The following ABCA12 variants were observed in gnomAD, a reference collection of about 807,000 sequenced individuals.
ABCA12 encodes the protein ATP binding cassette subfamily A member 12.
Under a neutral mutation model 293.5 loss-of-function variants are expected in ABCA12, and 156 were observed. That is an observed-to-expected ratio of 0.53 (90% CI 0.47 to 0.61). The LOEUF is 0.61. ABCA12 is among the 20% of genes least tolerant of loss of function. ABCA12 has a pLI of 0.00. For missense variants in ABCA12, 2,797 were observed against 3,090.2 expected (o/e 0.91, Z 2.25); for synonymous variants, 1,063 against 1,108.0 (o/e 0.96, Z 0.81).
intron 6 of ABCA12, among the ~76,000 whole-genome samples, chr2:215,046,476 TAAA>T (rs1282798228): frequency 3.4e-5 from 5 of 147,282 alleles, no homozygotes; most frequent in African/African-American, 1.2e-4. Context: ...TATATATATA[TAAA>T]ATATAATATA....
At chr2:215,132,509 T>C (rs1444860448) in intron 1 of ABCA12, among the ~76,000 whole-genome samples, 1 of 151,698 alleles carries the variant, frequency 6.6e-6, no homozygotes, top group Admixed American at 6.6e-5. Flanking sequence ...CTTTTTTTTT[T>C]AACTGTTGTT....
chr2:214,982,134 A>G, intron 30 of ABCA12, 53 bp downstream of exon 30: 1 of 1,594,276 alleles, frequency 6.3e-7, no homozygotes, highest in Non-Finnish European at 8.6e-7. Flanking sequence ...TGTATATGCC[A>G]GAGGGCAGAA....
chr2:214,955,993 C>T (rs549613637), intron 42 of ABCA12, among the ~76,000 whole-genome samples: 1 of 152,264 alleles, frequency 6.6e-6, no homozygotes, highest in Admixed American at 6.5e-5. Flanking sequence ...AAAGTAATGA[C>T]ACTGTTCAAG....
At chr2:215,103,264 T>TTTTA (rs1702394953) in intron 2 of ABCA12, among the ~76,000 whole-genome samples, 2 of 81,544 alleles carry the variant, frequency 2.5e-5, no homozygotes, top group African/African-American at 1.5e-4. Context: ...TTAAAATTTC[T>TTTTA]TTCTTTTTTT....
chr2:214,933,992 T>C, intron 52 of ABCA12, 86 bp downstream of exon 52: 2 of 1,407,030 alleles, frequency 1.4e-6, no homozygotes, highest in Admixed American at 3.5e-5. Flanking sequence ...TAAAAACAAA[T>C]TGAATGTAAT....
chr2:214,951,902 A>G (rs1323186314), intron 44 of ABCA12, among the ~76,000 whole-genome samples: 1 of 152,186 alleles, frequency 6.6e-6, no homozygotes, highest in African/African-American at 2.4e-5. Context: ...CCGCAGATAT[A>G]TCTACTTTTA....
intron 4 of ABCA12, among the ~76,000 whole-genome samples, chr2:215,053,489 A>C (rs1052198149): frequency 6.6e-6 from 1 of 152,134 alleles, no homozygotes; most frequent in Non-Finnish European, 1.5e-5. Flanking sequence ...TACCAAGCAA[A>C]GCAAAGCTTA....
intron 41 of ABCA12, among the ~76,000 whole-genome samples, chr2:214,957,878 A>G (rs1343112211): frequency 3.3e-5 from 5 of 152,168 alleles, no homozygotes; most frequent in Non-Finnish European, 5.9e-5. Flanking sequence ...GTTTGGCACA[A>G]TTACGTAAGG....
chr2:215,063,142 G>A (rs561530534), intron 3 of ABCA12, among the ~76,000 whole-genome samples: 36 of 152,026 alleles, frequency 2.4e-4, no homozygotes, highest in Non-Finnish European at 4.6e-4. Flanking sequence ...TGTGTCTCAT[G>A]ACAATTCTTA....
intron 3 of ABCA12, among the ~76,000 whole-genome samples, chr2:215,061,744 C>T (rs1292154721): frequency 1.4e-5 from 2 of 145,092 alleles, no homozygotes; most frequent in Non-Finnish European, 3.1e-5. Flanking sequence ...GGAGGTAAAA[C>T]TAAAATTAAG....
At chr2:215,127,575 G>C (rs868397650) in intron 1 of ABCA12, among the ~76,000 whole-genome samples, 1 of 152,098 alleles carries the variant, frequency 6.6e-6, no homozygotes, top group South Asian at 2.1e-4. Flanking sequence ...AACTGCTGTT[G>C]CTTTAAAGTT....
intron 13 of ABCA12, 54 bp downstream of exon 13, chr2:215,019,282 G>T: frequency 1.3e-6 from 2 of 1,501,692 alleles, no homozygotes; most frequent in South Asian, 1.1e-5. Flanking sequence ...ACTGCAGCGT[G>T]AGAATCACAT....
At chr2:215,052,342 AG>A (rs1701335443) in intron 5 of ABCA12, 144 bp downstream of exon 5, 7 of 668,160 alleles carry the variant, frequency 1.0e-5, no homozygotes, top group East Asian at 5.7e-5. Context: ...TGTTTATTGA[AG>A]GGTTCCTAAG....
chr2:214,964,823 A>G (rs1488741395), intron 39 of ABCA12, among the ~76,000 whole-genome samples: 3 of 152,238 alleles, frequency 2.0e-5, no homozygotes, highest in Non-Finnish European at 4.4e-5. Flanking sequence ...TACAGATTCA[A>G]TGCTATTCCC....
chr2:214,944,505 G>A (rs930621629), intron 49 of ABCA12, among the ~76,000 whole-genome samples: 2 of 152,202 alleles, frequency 1.3e-5, no homozygotes, highest in Non-Finnish European at 2.9e-5. Flanking sequence ...GAGATGGGAA[G>A]AATGCAGAAC....
At chr2:215,062,614 C>A (rs182799471) in intron 3 of ABCA12, among the ~76,000 whole-genome samples, 4 of 151,962 alleles carry the variant, frequency 2.6e-5, no homozygotes, top group Non-Finnish European at 4.4e-5. Flanking sequence ...ATATTGCAAC[C>A]GTGTTAGCTG....
chr2:215,007,840 C>A lies in ABCA12; in HGVS notation c.2479G>T (p.Val827Leu). The change falls in exon 19 of 53, where the codon GTA becomes TTA. Residue 827 changes from valine (V) to leucine (L), a missense_variant. Coordinates refer to ENST00000272895, the MANE Select transcript of ABCA12 (RefSeq NM_173076.3). ...VTKAIMEKSN[V>L]TLRQLAELRE... ...AATTCCGCCAGCTGTCTCAGAGTTA[C>A]ATTGGACTTAATGACAAAGAAACAA... is the stretch of plus-strand genomic sequence containing the variant. The A allele has an allele frequency of 6.2e-7, 1 of 1,613,930 alleles. No homozygotes were observed. Among genetic ancestry groups the A allele is most frequent in the Non-Finnish European group, 8.5e-7 (1 of 1,179,898 alleles).
At chr2:214,999,755 T>C in intron 22 of ABCA12, 1 of 978,098 alleles carries the variant, frequency 1.0e-6, no homozygotes. Flanking sequence ...AATAGCCAGC[T>C]AACCTTGACA....
chr2:214,978,023 G>A (rs1043770390), intron 33 of ABCA12, among the ~76,000 whole-genome samples: 3 of 151,832 alleles, frequency 2.0e-5, no homozygotes, highest in African/African-American at 7.3e-5. Flanking sequence ...AACATGAACT[G>A]AAATTGTAGA....
Sources: gnomAD v4.1 joint callset for allele counts (sites outside exome capture counted in the v4.1 genomes callset) on GRCh38, gnomAD v4.1.1 for gene constraint, MANE v1.5 for transcripts, NCBI Gene and HGNC (gene_info 2026-07-23, HGNC 2026-07-21) for gene names.